Variants in SLC24A2 observed in about 807,000 individuals in gnomAD.
The protein encoded by SLC24A2 is sodium/potassium/calcium exchanger 2.
SLC24A2 carries 36 observed loss-of-function variants against 62.0 expected under a neutral mutation model. The ratio of observed to expected loss-of-function variants is 0.58; its 90% confidence interval spans 0.44 to 0.77. The LOEUF is 0.77. Ranked by LOEUF, SLC24A2 falls within the 30% of genes least tolerant of loss-of-function variation. The pLI, the probability that SLC24A2 is intolerant of heterozygous loss-of-function variation, is 0.00. For missense variants in SLC24A2, 846 were observed against 817.9 expected (o/e 1.03, Z -0.42); for synonymous variants, 358 against 294.0 (o/e 1.22, Z -2.23).
chr9:20,107,724 C>A, the SLC24A2 span, among the ~76,000 whole-genome samples: 1 of 152,042 alleles, frequency 6.6e-6, no homozygotes, highest in Non-Finnish European at 1.5e-5. Flanking sequence ...AAATGTTAGA[C>A]CTAAAACCAT....
chr9:19,788,125 C>G (rs144151945), intron 1 of SLC24A2, among the ~76,000 whole-genome samples: 1 of 152,198 alleles, frequency 6.6e-6, no homozygotes. Flanking sequence ...ACACACGCCA[C>G]TTAAATACTG....
chr9:19,994,011 AACT>A, the SLC24A2 span, among the ~76,000 whole-genome samples: 1 of 152,302 alleles, frequency 6.6e-6, no homozygotes, highest in South Asian at 2.1e-4. Context: ...TGTACTAGGA[AACT>A]GAGGTAAAGA....
intron 7 of SLC24A2, among the ~76,000 whole-genome samples, chr9:19,562,169 G>A (rs566545206): frequency 1.3e-5 from 2 of 152,048 alleles, no homozygotes; most frequent in African/African-American, 2.4e-5. Context: ...TTGTTTTCAT[G>A]GGCTTTGTAA....
At chr9:20,152,977 G>C in the SLC24A2 span, among the ~76,000 whole-genome samples, 2 of 151,850 alleles carry the variant, frequency 1.3e-5, no homozygotes, top group Middle Eastern at 3.2e-3. Context: ...CCTAGTACTA[G>C]GGGTTGTACA....
chr9:19,982,276 T>C, the SLC24A2 span, among the ~76,000 whole-genome samples: 1 of 152,068 alleles, frequency 6.6e-6, no homozygotes, highest in Non-Finnish European at 1.5e-5. Context: ...AATGGAAGTG[T>C]GAGTGTGTGC....
At chr9:20,293,878 T>C in the SLC24A2 span, among the ~76,000 whole-genome samples, 1 of 152,138 alleles carries the variant, frequency 6.6e-6, no homozygotes, top group East Asian at 1.9e-4. Context: ...TCAGTCCATT[T>C]AACTTCACAT....
chr9:19,826,346 T>C, the SLC24A2 span, among the ~76,000 whole-genome samples: 1 of 152,084 alleles, frequency 6.6e-6, no homozygotes, highest in African/African-American at 2.4e-5. Context: ...GAATGGGATA[T>C]CCAAGTGTAG....
chr9:19,741,359 G>T, intron 2 of SLC24A2, among the ~76,000 whole-genome samples: 1 of 152,144 alleles, frequency 6.6e-6, no homozygotes, highest in Admixed American at 6.6e-5. Context: ...TTTACTTCCT[G>T]TGCACTTCCT....
intron 2 of SLC24A2, among the ~76,000 whole-genome samples, chr9:19,700,344 T>A (rs113737145): frequency 2.8e-4 from 42 of 152,162 alleles, no homozygotes; most frequent in African/African-American, 9.2e-4. Context: ...GCTCTGTCTT[T>A]CCCCACTCCA....
rs575758548 is a variant in SLC24A2 at position 19,737,914 on chromosome 9, T to C, written c.930+48023A>G. On this transcript the variant is annotated intron_variant, in intron 2 of 10. Coordinates refer to ENST00000341998, the MANE Select transcript of SLC24A2 (RefSeq NM_020344.4). ...AAGAATCACCATGAAGCTTCACAAA[T>C]GTTAGGTCTGGAAGTAAATATATGA... Among the ~76,000 whole-genome samples the C allele has an allele frequency of 2.6e-5, 4 of 152,294 alleles. No individual in the cohort carries two copies. In the East Asian group the frequency reaches 5.8e-4, roughly 22 times the overall value.
chr9:20,204,725 T>C, the SLC24A2 span, among the ~76,000 whole-genome samples: 19 of 151,026 alleles, frequency 1.3e-4, no homozygotes, highest in Non-Finnish European at 1.3e-4. Context: ...CACTTAATAA[T>C]GCAATAAAAA....
chr9:19,845,403 A>G, the SLC24A2 span, among the ~76,000 whole-genome samples: 1 of 152,200 alleles, frequency 6.6e-6, no homozygotes, highest in Non-Finnish European at 1.5e-5. Flanking sequence ...TATCAGTTCC[A>G]GGAGCCTTTC....
chr9:19,850,366 T>G, the SLC24A2 span, among the ~76,000 whole-genome samples: 2 of 152,144 alleles, frequency 1.3e-5, no homozygotes, highest in Non-Finnish European at 2.9e-5. Flanking sequence ...TTGAATTGTG[T>G]AGTCACCATC....
chr9:19,711,724 T>A (rs1270608781), intron 2 of SLC24A2, among the ~76,000 whole-genome samples: 1 of 152,240 alleles, frequency 6.6e-6, no homozygotes, highest in Non-Finnish European at 1.5e-5. Context: ...TTCTTTAAAC[T>A]TATTTTTAAA....
chr9:19,915,660 T>C, the SLC24A2 span, among the ~76,000 whole-genome samples: 7 of 152,126 alleles, frequency 4.6e-5, no homozygotes, highest in Non-Finnish European at 1.0e-4. Context: ...CATCTCATTG[T>C]GGTTTCTTAT....
chr9:20,016,031 A>G, the SLC24A2 span, among the ~76,000 whole-genome samples: 1 of 152,232 alleles, frequency 6.6e-6, no homozygotes, highest in Non-Finnish European at 1.5e-5. Context: ...ACAAATTTTA[A>G]AGTGTACATC....
At chr9:19,637,979 G>C (rs1460055433) in intron 2 of SLC24A2, among the ~76,000 whole-genome samples, 1 of 152,110 alleles carries the variant, frequency 6.6e-6, no homozygotes, top group Non-Finnish European at 1.5e-5. Context: ...TACAGTGAGA[G>C]AGAAATCAAT....
chr9:20,292,133 G>A, the SLC24A2 span, among the ~76,000 whole-genome samples: 5 of 152,282 alleles, frequency 3.3e-5, no homozygotes, highest in South Asian at 2.1e-4. Flanking sequence ...GTACTGACAC[G>A]ATGCTGGAGC....
chr9:19,549,225 TC>T (rs929098125), intron 8 of SLC24A2, among the ~76,000 whole-genome samples: 3 of 152,366 alleles, frequency 2.0e-5, no homozygotes, highest in Admixed American at 6.5e-5. Context: ...TGAGTAACCT[TC>T]CTGCTTCAGA....
Sources: allele counts gnomAD v4.1 joint callset (sites outside exome capture counted in the v4.1 genomes callset), GRCh38; gene constraint gnomAD v4.1.1; transcripts MANE v1.5; gene names NCBI Gene and HGNC (gene_info 2026-07-23, HGNC 2026-07-21).